GDA: variants seen among roughly 807,000 people sequenced by gnomAD.
The protein encoded by GDA is guanine deaminase.
Under a neutral mutation model 59.6 loss-of-function variants are expected in GDA, and 18 were observed. The observed-to-expected ratio is 0.30, with a 90% CI of 0.21 to 0.45. GDA has a LOEUF of 0.45. Ranked by LOEUF, GDA falls within the 20% of genes least tolerant of loss-of-function variation. The pLI is 1.00. For missense variants in GDA, 427 were observed against 552.3 expected, an observed-to-expected ratio of 0.77 and a Z score of 2.27; for synonymous variants, 201 against 201.1, an observed-to-expected ratio of 1.00 and a Z score of 0.00.
intron 1 of GDA, among the ~76,000 whole-genome samples, chr9:72,167,085 C>T (rs7868716): frequency 0.031 from 4,752 of 152,138 alleles, 264 homozygotes; most frequent in African/African-American, 0.11. Flanking sequence ...TAGAAATTGA[C>T]GCTTTTGGTC....
intron 5 of GDA, among the ~76,000 whole-genome samples, chr9:72,215,288 G>A (rs1209800484): frequency 6.6e-6 from 1 of 151,954 alleles, no homozygotes; most frequent in East Asian, 1.9e-4. Flanking sequence ...AGTAATATGT[G>A]TTTCCATGGT....
chr9:72,160,872 A>C (rs1016827888), intron 1 of GDA, among the ~76,000 whole-genome samples: 1 of 151,964 alleles, frequency 6.6e-6, no homozygotes, highest in East Asian at 1.9e-4. Context: ...CGCTGGATGG[A>C]TACACATTTC....
chr9:72,128,826 A>G (rs1825933991), intron 1 of GDA, among the ~76,000 whole-genome samples: 1 of 152,210 alleles, frequency 6.6e-6, no homozygotes, highest in African/African-American at 2.4e-5. Flanking sequence ...TAAAATAGTG[A>G]ATAGCAATAC....
rs960241875 is a variant in GDA at position 72,172,622 on chromosome 9, C to G, written c.124-22878C>G. Among the ~76,000 whole-genome samples, 6 of 152,146 alleles carry G rather than the reference C, an allele frequency of 3.9e-5. No homozygotes were observed. In the South Asian group the frequency reaches 1.2e-3, roughly 32 times the overall value. The stretch of plus-strand genomic sequence containing the variant: ...GGGTTTAGGGTTTGCGCTAGGACCT[C>G]CTCTCTAACCCCTACACCATACCTG... On this transcript the variant is annotated intron_variant, in intron 1 of 13. Coordinates refer to ENST00000358399, the MANE Select transcript of GDA (RefSeq NM_004293.5).
At chr9:72,168,390 C>CTTTTTT (rs77778231) in intron 1 of GDA, among the ~76,000 whole-genome samples, 28 of 105,900 alleles carry the variant, frequency 2.6e-4, no homozygotes, top group Admixed American at 4.5e-4. Flanking sequence ...GAGACTTTGT[C>CTTTTTT]TTTTTTTTTT....
chr9:72,150,527 C>T (rs995465171), intron 1 of GDA, among the ~76,000 whole-genome samples: 1 of 152,146 alleles, frequency 6.6e-6, no homozygotes, highest in Non-Finnish European at 1.5e-5. Flanking sequence ...CTATATCAGC[C>T]ATGGCCTGGC....
rs1840565148 is a variant in GDA at position 72,250,363 on chromosome 9, T to C, written c.*2021T>C. ...ATGTAGACTTAGGACTCATGTGCAG[T>C]AAATATAAATAAGTGTAGCATCAGA... On this transcript the variant is annotated 3_prime_UTR_variant, in exon 14 of 14. Transcript: ENST00000358399. The C allele has an allele frequency of 1.1e-5, 12 of 1,092,742 alleles. No individual in the cohort carries two copies. The highest frequency in any genetic ancestry group is 1.3e-5 in the Non-Finnish European group (12 of 896,452). 67.7% of individuals were successfully genotyped at this position (1,092,742 alleles called of 1,614,324 possible).
chr9:72,127,654 A>G (rs1228936618), intron 1 of GDA, among the ~76,000 whole-genome samples: 1 of 151,026 alleles, frequency 6.6e-6, no homozygotes, highest in Non-Finnish European at 1.5e-5. Flanking sequence ...AAAAAAAAAG[A>G]AAGAAAATCA....
At chr9:72,242,539 A>C (rs551698669) in intron 11 of GDA, among the ~76,000 whole-genome samples, 2 of 151,916 alleles carry the variant, frequency 1.3e-5, no homozygotes, top group Non-Finnish European at 2.9e-5. Flanking sequence ...AGATACCCTG[A>C]GTCTTACAAA....
intron 12 of GDA, 53 bp from the exon 13 acceptor site, chr9:72,247,353 C>G (rs1440356042): frequency 3.5e-6 from 4 of 1,126,802 alleles, no homozygotes; most frequent in Admixed American, 1.7e-5. Flanking sequence ...TGTGAATTTA[C>G]TTTTCTAAAT....
intron 10 of GDA, among the ~76,000 whole-genome samples, chr9:72,234,359 T>C (rs1838719529): frequency 6.6e-6 from 1 of 152,244 alleles, no homozygotes; most frequent in Non-Finnish European, 1.5e-5. Flanking sequence ...TGCTATATAA[T>C]TGTTAACATT....
intron 12 of GDA, among the ~76,000 whole-genome samples, chr9:72,246,785 C>T (rs988874016): frequency 3.3e-5 from 5 of 152,220 alleles, no homozygotes; most frequent in Non-Finnish European, 7.4e-5. Context: ...CGTGTCCTGA[C>T]CCCCTCATTA....
intron 1 of GDA, among the ~76,000 whole-genome samples, chr9:72,129,534 A>G (rs1825955496): frequency 6.6e-6 from 1 of 152,334 alleles, no homozygotes; most frequent in South Asian, 2.1e-4. Flanking sequence ...TCATTCAAGA[A>G]AAATTACTTG....
Position 72,149,479 on chromosome 9 carries a change from G to T in GDA, c.-81G>T. On this transcript the variant is annotated 5_prime_UTR_variant, in exon 1 of 14. Transcript: ENST00000358399. ...GCCTGTGTCCGCCCGGCAGCCGCCC[G>T]CAGCTGCAGAGAGTCCCGCTGCGTC... The T allele has an allele frequency of 2.0e-6, 3 of 1,533,588 alleles. No individual in the cohort carries two copies. Among genetic ancestry groups the T allele is most frequent in the Non-Finnish European group, 8.8e-7 (1 of 1,136,690 alleles). The allele number at this position is 1,533,588 out of a possible 1,614,324, so 95.0% of individuals were successfully genotyped here.
At chr9:72,141,408 A>G (rs1476128738) in intron 1 of GDA, among the ~76,000 whole-genome samples, 1 of 152,204 alleles carries the variant, frequency 6.6e-6, no homozygotes, top group Middle Eastern at 3.2e-3. Context: ...AGTTTTTCAA[A>G]TAAGTTTAAT....
At chr9:72,157,338 GC>G (rs989931134) in intron 1 of GDA, among the ~76,000 whole-genome samples, 4 of 152,188 alleles carry the variant, frequency 2.6e-5, no homozygotes, top group Non-Finnish European at 5.9e-5. Flanking sequence ...ACGGTAGCCA[GC>G]CCAGACTTCT....
At chr9:72,191,088 TAATC>T (rs1563997280) in intron 1 of GDA, among the ~76,000 whole-genome samples, 2 of 152,340 alleles carry the variant, frequency 1.3e-5, no homozygotes, top group African/African-American at 2.4e-5. Context: ...ATTTACATAT[TAATC>T]AATCAAAAAT....
chr9:72,146,736 CCCT>C (rs1299510814), upstream of GDA, among the ~76,000 whole-genome samples: 1 of 152,202 alleles, frequency 6.6e-6, no homozygotes, highest in African/African-American at 2.4e-5. Context: ...AAGTGATCCG[CCCT>C]CCTCAGCCTC....
At position 72,213,918 on chromosome 9, in the gene GDA, G is replaced by A. The variant is rs201577497; in HGVS notation, c.505G>A (p.Val169Ile). ...TGGACAGCGGGCATTTGTGGGCAAA[G>A]TTTGCATGGATTTGAATGACACTTT... ...KFGQRAFVGK[V>I]CMDLNDTFPE... The change falls in exon 5 of 14, where the codon GTT (valine) becomes ATT (isoleucine). Residue 169 changes from valine (V) to isoleucine (I), a missense_variant. By Grantham distance (29) the Val-to-Ile change is conservative (BLOSUM62 3). Coordinates refer to ENST00000358399, the MANE Select transcript of GDA (RefSeq NM_004293.5). 1.9e-6 allele frequency: 3 copies of A among 1,611,544 alleles called. No individual in the cohort carries two copies. The South Asian group carries it at 3.3e-5, about 18-fold the overall frequency.
Sources: allele counts gnomAD v4.1 joint callset (sites outside exome capture counted in the v4.1 genomes callset), GRCh38; gene constraint gnomAD v4.1.1; transcripts MANE v1.5; gene names NCBI Gene and HGNC (gene_info 2026-07-23, HGNC 2026-07-21).